The following SPNS2 variants were observed in gnomAD, a reference collection of about 807,000 sequenced individuals.
The protein encoded by SPNS2 is sphingosine-1-phosphate transporter SPNS2.
A neutral mutation model predicts 57.6 loss-of-function variants in SPNS2; 37 were observed. That is an observed-to-expected ratio of 0.64 (90% CI 0.49 to 0.85). The LOEUF is 0.85. Ranked by LOEUF, SPNS2 falls within the 40% of genes least tolerant of loss-of-function variation. The pLI, the probability that SPNS2 is intolerant of heterozygous loss-of-function variation, is 0.00. For missense variants in SPNS2, 831 were observed against 779.1 expected (o/e 1.07, Z -0.79); for synonymous variants, 440 against 346.9 (o/e 1.27, Z -2.98).
intron 9 of SPNS2, among the ~76,000 whole-genome samples, chr17:4,535,029 G>A (rs577841443): frequency 3.3e-5 from 5 of 152,260 alleles, no homozygotes; most frequent in African/African-American, 7.2e-5. Context: ...CACCTCTCCC[G>A]CAACGGGGTG....
At position 4,537,750 on chromosome 17, in the gene SPNS2, G is replaced by A. The variant is rs1567599242; in HGVS notation, c.*302G>A. ...AGCCCCAAGTGGGTGTCCGGGGAGA[G>A]CCTGGCCTGCCACCAGCTTATGTGA... On this transcript the variant is annotated 3_prime_UTR_variant, in exon 13 of 13. Coordinates refer to ENST00000329078, the MANE Select transcript of SPNS2 (RefSeq NM_001124758.3). 1 of 456,446 alleles carries A rather than the reference G, an allele frequency of 2.2e-6. No individual in the cohort carries two copies. Among genetic ancestry groups the A allele is most frequent in the Non-Finnish European group, 4.4e-6 (1 of 226,804 alleles). The allele number at this position is 456,446 out of a possible 1,614,324, so 28.3% of individuals were successfully genotyped here.
chr17:4,516,316 C>CAAAA lies in SPNS2; in HGVS notation c.436+3028_436+3031dup, dbSNP rs67710825. Among the ~76,000 whole-genome samples, 19 of 67,492 alleles carry CAAAA rather than the reference C, an allele frequency of 2.8e-4. 1 individual carries two copies. The highest frequency in any genetic ancestry group is 1.0e-3 in the African/African-American group (14 of 13,482). 44.3% of individuals were successfully genotyped at this position (67,492 alleles called of 152,430 possible). On this transcript the variant is annotated intron_variant, in intron 2 of 12. Transcript: ENST00000329078. ...GTGACAGAGTGAGACTCTATCTCCC[C>CAAAA]AAAAAAAAAAAAAAAAAAAAAAAAA...
At chr17:4,534,718 C>CGGT (rs993087917) in intron 9 of SPNS2, among the ~76,000 whole-genome samples, 12 of 152,026 alleles carry the variant, frequency 7.9e-5, no homozygotes, top group Non-Finnish European at 1.6e-4. Context: ...CCATGGGCTG[C>CGGT]GGTGGTGGTG....
At chr17:4,536,660 T>C (rs1055972152) in intron 11 of SPNS2, 16 of 665,064 alleles carry the variant, frequency 2.4e-5, no homozygotes, top group Non-Finnish European at 3.3e-5. Context: ...CTGGACTTAG[T>C]GGTTTTCAAA....
In SPNS2 at chr17:4,501,112, C is replaced by T. The variant is rs756324788; in HGVS notation, c.370+1695C>T. Among the ~76,000 whole-genome samples the T allele has an allele frequency of 3.2e-4, 48 of 152,312 alleles. 1 individual carries two copies. The highest frequency in any genetic ancestry group is 3.4e-3 in the Middle Eastern group (1 of 294). ...GGGACCAATGTCCCTGTACAGCCCC[C>T]GTTCAAGATGGCCAGGAAAGTGACT... On this transcript the variant is annotated intron_variant, in intron 1 of 12. Coordinates refer to ENST00000329078, the MANE Select transcript of SPNS2 (RefSeq NM_001124758.3).
intron 2 of SPNS2, among the ~76,000 whole-genome samples, chr17:4,524,222 A>C (rs1905210835): frequency 6.6e-6 from 1 of 152,122 alleles, no homozygotes. Flanking sequence ...CAGTGTGGTA[A>C]AGTATAAGGA....
chr17:4,532,369 A>C (rs1158224313), intron 5 of SPNS2, among the ~76,000 whole-genome samples, 173 bp from the exon 6 acceptor site: 1 of 151,864 alleles, frequency 6.6e-6, no homozygotes, highest in African/African-American at 2.4e-5. Context: ...CAGTCTCTTG[A>C]CCGACCTCAG....
intron 1 of SPNS2, among the ~76,000 whole-genome samples, chr17:4,509,759 G>T (rs1185111376): frequency 6.6e-6 from 1 of 152,268 alleles, no homozygotes; most frequent in African/African-American, 2.4e-5. Context: ...ATGTTTTCTT[G>T]GGTGATGAGA....
At chr17:4,506,757 G>C (rs1904690507) in intron 1 of SPNS2, among the ~76,000 whole-genome samples, 1 of 152,174 alleles carries the variant, frequency 6.6e-6, no homozygotes, top group Non-Finnish European at 1.5e-5. Context: ...CATCCTCATG[G>C]TCTCTGCAGA....
rs778925054 is a variant in SPNS2, at chr17:4,537,440, C to T, written c.*5-13C>T. 3.8e-4 allele frequency: 168 copies of T among 445,292 alleles called. 1 individual carries two copies. Among genetic ancestry groups the T allele is most frequent in the Admixed American group, 5.0e-4 (21 of 42,162 alleles). 27.6% of individuals were successfully genotyped at this position (445,292 alleles called of 1,614,324 possible). Reference sequence around the variant, plus strand: ...ACTAAGCCCCACTGCTGACCTGACACCCCTTTCCCCAGGTGCCATTGGGAC... The same window carrying T: ...ACTAAGCCCCACTGCTGACCTGACATCCCTTTCCCCAGGTGCCATTGGGAC... On this transcript the variant is annotated splice_polypyrimidine_tract_variant and intron_variant, in intron 12 of 12. Coordinates refer to ENST00000329078, the MANE Select transcript of SPNS2 (RefSeq NM_001124758.3).
intron 9 of SPNS2, among the ~76,000 whole-genome samples, chr17:4,534,641 C>T (rs992660641): frequency 6.6e-5 from 10 of 152,122 alleles, no homozygotes; most frequent in Non-Finnish European, 1.2e-4. Flanking sequence ...GGGAAGCCTG[C>T]CTTACCCCAC....
chr17:4,498,944 A>ACGGGG lies in SPNS2; in HGVS notation c.-103_-102insGGGGC. ...GGAGCGCAGGAGCCGACGGGGCCCGACCAGGATGGTGCAGTGGCGGCTCCG... is the reference window on the plus strand; with the variant it reads ...GGAGCGCAGGAGCCGACGGGGCCCGACGGGGCCAGGATGGTGCAGTGGCGGCTCCG... On this transcript the variant is annotated 5_prime_UTR_variant, in exon 1 of 13. Transcript: ENST00000329078. 1.4e-6 allele frequency: 1 copy of ACGGGG among 693,408 alleles called. No homozygotes were observed. The highest frequency in any genetic ancestry group is 6.4e-5 in the South Asian group (1 of 15,584). The allele number at this position is 693,408 out of a possible 1,614,324, so 43.0% of individuals were successfully genotyped here. A position where few individuals can be genotyped will look rare whatever the true frequency, so the allele number is the denominator to read the frequency against.
At chr17:4,503,156 A>G (rs1168287340) in intron 1 of SPNS2, among the ~76,000 whole-genome samples, 1 of 152,248 alleles carries the variant, frequency 6.6e-6, no homozygotes, top group African/African-American at 2.4e-5. Flanking sequence ...ACCCAAGGTC[A>G]CACGGGGGGC....
rs556197114 is a variant in SPNS2, at chr17:4,530,541, C to A, written c.574-91C>A. 75 of 1,473,702 alleles carry A rather than the reference C, an allele frequency of 5.1e-5. No individual in the cohort carries two copies. The African/African-American group carries it at 9.7e-4, about 19-fold the overall frequency. The allele number at this position is 1,473,702 out of a possible 1,614,324, so 91.3% of individuals were successfully genotyped here. On this transcript the variant is annotated intron_variant, in intron 3 of 12. Transcript: ENST00000329078. ...ACCCTTCTCTCCCCTGGCTCCTGGG[C>A]CCTGCAGGGGGAGGGAGCAAAGTGG...
Position 4,499,273 on chromosome 17 carries a change from G to T in SPNS2, c.226G>T (p.Gly76Cys). The T allele has an allele frequency of 1.3e-6, 2 of 1,485,224 alleles. No homozygotes were observed. The highest frequency in any genetic ancestry group is 1.8e-6 in the Non-Finnish European group (2 of 1,124,656). The allele number at this position is 1,485,224 out of a possible 1,614,324, so 92.0% of individuals were successfully genotyped here. A position where few individuals can be genotyped will look rare whatever the true frequency, so the allele number is the denominator to read the frequency against. The change falls in exon 1 of 13, where the codon GGC (glycine) becomes TGC (cysteine). Residue 76 changes from glycine to cysteine, a missense_variant. Physicochemically the swap from Gly to Cys is radical, Grantham distance 159. Around this residue, in one of 2 missense-constraint regions of SPNS2, gnomAD observed 305 missense variants for 378.3 expected, o/e 0.81. Coordinates refer to ENST00000329078, the MANE Select transcript of SPNS2 (RefSeq NM_001124758.3). The surrounding 1 kb of genome is among the most constrained non-coding windows in gnomAD (Gnocchi z 5.2). ...RAPTGPPGTP[G>C]TPGCAATAKG... ...CCCGACCGGACCCCCCGGCACCCCC[G>T]GCACCCCCGGCTGCGCAGCTACTGC...
At chr17:4,536,873 C>A (rs749169898) in intron 11 of SPNS2, 27 bp from the exon 12 acceptor site, 2 of 1,611,650 alleles carry the variant, frequency 1.2e-6, no homozygotes, top group Non-Finnish European at 1.7e-6. Context: ...GATGCACCAC[C>A]CTGACCCCCG....
intron 3 of SPNS2, among the ~76,000 whole-genome samples, chr17:4,528,503 C>T (rs147851099): frequency 0.018 from 2,805 of 152,236 alleles, 90 homozygotes; most frequent in African/African-American, 0.065. Context: ...CGCTCTTTCA[C>T]CCAGGCTGGA....
At chr17:4,504,918 T>C (rs1000612335) in intron 1 of SPNS2, among the ~76,000 whole-genome samples, 1 of 152,210 alleles carries the variant, frequency 6.6e-6, no homozygotes, top group East Asian at 1.9e-4. Flanking sequence ...GATAGTGTGG[T>C]GCACTTGGTC....
In SPNS2 at chr17:4,538,140, G is replaced by A. The variant is rs543860823; in HGVS notation, c.*692G>A. The A allele has an allele frequency of 1.2e-4, 35 of 294,812 alleles. No individual in the cohort carries two copies. The highest frequency in any genetic ancestry group is 1.1e-3 in the South Asian group (35 of 30,504). 18.3% of individuals were successfully genotyped at this position (294,812 alleles called of 1,614,324 possible). A position where few individuals can be genotyped will look rare whatever the true frequency, so the allele number is the denominator to read the frequency against. ...TGTTCTGACAAGCTGGCATCACCAG[G>A]GGTGAAGGCCCTGGCTGCAGCTGTA... On this transcript the variant is annotated 3_prime_UTR_variant, in exon 13 of 13. Transcript: ENST00000329078.
Sources: gnomAD v4.1 joint callset for allele counts (sites outside exome capture counted in the v4.1 genomes callset) on GRCh38, gnomAD v4.1.1 for gene constraint, gnomAD v4.1.1 regional missense constraint, Gnocchi (gnomAD v3.1) non-coding constraint, MANE v1.5 for transcripts, NCBI Gene and HGNC (gene_info 2026-07-23, HGNC 2026-07-21) for gene names.